FHIT: variants seen among roughly 807,000 people sequenced by gnomAD.
FHIT encodes bis(5'-adenosyl)-triphosphatase.
Under a neutral mutation model 17.9 loss-of-function variants are expected in FHIT, and 19 were observed. The ratio of observed to expected loss-of-function variants is 1.06; its 90% CI spans 0.74 to 1.56. The LOEUF is 1.56. Ranked by LOEUF, FHIT falls within the 40% of genes most tolerant of loss-of-function variation. FHIT has a pLI of 0.00. For missense variants in FHIT, 248 were observed against 189.2 expected (o/e 1.31, Z -1.82); for synonymous variants, 81 against 69.7 (o/e 1.16, Z -0.81).
chr3:59,838,752 T>A (rs1222151856), intron 8 of FHIT, among the ~76,000 whole-genome samples: 1 of 152,140 alleles, frequency 6.6e-6, no homozygotes, highest in East Asian at 1.9e-4. Flanking sequence ...AGGGATAGCA[T>A]GAAACTCAAG....
chr3:60,744,270 A>AAAAAAAAAAAAAAAAAAAAAAAAC (rs1577150242), intron 4 of FHIT, among the ~76,000 whole-genome samples: 3 of 22,518 alleles, frequency 1.3e-4, no homozygotes, highest in African/African-American at 2.0e-4. Context: ...AAACAAAACA[A>AAAAAAAAAAAAAAAAAAAAAAAAC]AAAAAAAAAA....
intron 4 of FHIT, among the ~76,000 whole-genome samples, chr3:60,760,888 A>G (rs372328126): frequency 1.3e-5 from 2 of 152,184 alleles, no homozygotes; most frequent in African/African-American, 2.4e-5. Flanking sequence ...ACTGTCCCCA[A>G]TAGACCTGAG....
chr3:61,225,933 A>G (rs1362740007), intron 1 of FHIT, among the ~76,000 whole-genome samples: 1 of 152,230 alleles, frequency 6.6e-6, no homozygotes, highest in African/African-American at 2.4e-5. Flanking sequence ...CTGATATTCT[A>G]TTTCACCAGG....
At chr3:60,992,853 G>A (rs72873058) in intron 3 of FHIT, among the ~76,000 whole-genome samples, 1,581 of 146,312 alleles carry the variant, frequency 0.011, 26 homozygotes, top group African/African-American at 0.035. Flanking sequence ...TGGAACAACT[G>A]AAGTATGGAA....
At chr3:61,056,378 C>G (rs945691336) in intron 2 of FHIT, among the ~76,000 whole-genome samples, 12 of 152,208 alleles carry the variant, frequency 7.9e-5, no homozygotes, top group Admixed American at 2.0e-4. Context: ...TCTTTGTCAC[C>G]TACTGTGTGA....
intron 4 of FHIT, among the ~76,000 whole-genome samples, chr3:60,597,662 A>G (rs1275648081): frequency 2.6e-5 from 4 of 152,132 alleles, no homozygotes; most frequent in African/African-American, 9.7e-5. Flanking sequence ...TAAGACCCTC[A>G]AGTGTGAACA....
At chr3:60,928,237 T>C (rs557308356) in intron 3 of FHIT, among the ~76,000 whole-genome samples, 42 of 151,604 alleles carry the variant, frequency 2.8e-4, no homozygotes, top group African/African-American at 9.4e-4. Context: ...TCTGCTGACC[T>C]TCTCTCCACT....
At chr3:60,312,687 A>T (rs1439707635) in intron 5 of FHIT, among the ~76,000 whole-genome samples, 1 of 152,152 alleles carries the variant, frequency 6.6e-6, no homozygotes, top group South Asian at 2.1e-4. Context: ...TACCTTTGAG[A>T]AGTATGATTA....
chr3:60,243,692 T>C (rs1480527097), intron 5 of FHIT, among the ~76,000 whole-genome samples: 2 of 152,162 alleles, frequency 1.3e-5, no homozygotes, highest in East Asian at 3.9e-4. Flanking sequence ...TGAGGAATGA[T>C]AACCACCTTC....
At chr3:61,168,995 T>C (rs77836545) in intron 2 of FHIT, among the ~76,000 whole-genome samples, 6,031 of 152,270 alleles carry the variant, frequency 0.04, 145 homozygotes, top group Middle Eastern at 0.048. Context: ...CATCCCCAAT[T>C]AGTGGGTTAT....
At chr3:60,789,021 C>A (rs1032102516) in intron 4 of FHIT, among the ~76,000 whole-genome samples, 1 of 150,714 alleles carries the variant, frequency 6.6e-6, no homozygotes, top group East Asian at 1.9e-4. Flanking sequence ...AAAGACATTC[C>A]CTAAGGTAAA....
chr3:59,943,178 T>C (rs1159398514), intron 7 of FHIT, among the ~76,000 whole-genome samples: 2 of 152,054 alleles, frequency 1.3e-5, no homozygotes, highest in Non-Finnish European at 2.9e-5. Context: ...ACGATGCAGG[T>C]AGTAAAACGG....
At chr3:60,492,121 G>T (rs535246400) in intron 5 of FHIT, among the ~76,000 whole-genome samples, 1 of 152,162 alleles carries the variant, frequency 6.6e-6, no homozygotes, top group East Asian at 1.9e-4. Flanking sequence ...CCACTCACTT[G>T]TTCACATAAT....
intron 5 of FHIT, among the ~76,000 whole-genome samples, chr3:60,507,620 G>A (rs930795367): frequency 2.6e-5 from 4 of 152,022 alleles, no homozygotes; most frequent in Non-Finnish European, 4.4e-5. Context: ...CATCACCCAG[G>A]TATTAAGTCT....
chr3:60,193,028 C>T (rs939980027), intron 5 of FHIT, among the ~76,000 whole-genome samples: 4 of 152,158 alleles, frequency 2.6e-5, no homozygotes, highest in Non-Finnish European at 4.4e-5. Flanking sequence ...AAAGGGATGA[C>T]ATTTTGCTTA....
chr3:60,766,100 T>C (rs781973998), intron 4 of FHIT, among the ~76,000 whole-genome samples: 2 of 152,170 alleles, frequency 1.3e-5, no homozygotes. Context: ...CTTGTAATGG[T>C]GTGAGCCAAC....
At chr3:60,040,908 G>C (rs1271972733) in intron 5 of FHIT, among the ~76,000 whole-genome samples, 1 of 152,034 alleles carries the variant, frequency 6.6e-6, no homozygotes, top group East Asian at 1.9e-4. Context: ...ACTCTAGGTG[G>C]GGGTAAACCA....
chr3:60,129,057 T>TTG (rs1306965334), intron 5 of FHIT, among the ~76,000 whole-genome samples: 3 of 145,044 alleles, frequency 2.1e-5, no homozygotes, highest in Non-Finnish European at 3.0e-5. Flanking sequence ...TTGTTTGTTT[T>TTG]TTTTTTTTTT....
At chr3:60,340,958 G>A (rs903347020) in intron 5 of FHIT, among the ~76,000 whole-genome samples, 3 of 151,964 alleles carry the variant, frequency 2.0e-5, no homozygotes, top group African/African-American at 7.2e-5. Flanking sequence ...CCAAAGTGCT[G>A]GATTACAGGT....
Sources: gnomAD v4.1 joint callset for allele counts (sites outside exome capture counted in the v4.1 genomes callset) on GRCh38, gnomAD v4.1.1 for gene constraint, MANE v1.5 for transcripts, NCBI Gene and HGNC (gene_info 2026-07-23, HGNC 2026-07-21) for gene names.